Variants in MYH11 observed in about 807,000 individuals in gnomAD.
MYH11 encodes the protein myosin-11.
MYH11 carries 80 observed loss-of-function variants against 246.6 expected under a neutral mutation model. That is an observed-to-expected ratio of 0.32 (90% CI 0.27 to 0.39). MYH11 has a LOEUF of 0.39. Ranked by LOEUF, MYH11 falls within the 10% of genes least tolerant of loss-of-function variation. The pLI, the probability that MYH11 is intolerant of heterozygous loss-of-function variation, is 1.00. For missense variants in MYH11, 2,158 were observed against 2,546.8 expected (o/e 0.85, Z 3.29); for synonymous variants, 1,071 against 1,015.5 (o/e 1.05, Z -1.04).
At position 15,750,110 on chromosome 16, in the gene MYH11, G is replaced by A. The variant is rs760579689; in HGVS notation, c.2058+28C>T. ...CTTGGGACAGCCCTGGCTTCTGGGA[G>A]CCCCAGGGTCTGGGCGGCGGGCCTC... On this transcript the variant is annotated intron_variant, in intron 16 of 40. Transcript: ENST00000300036. This position sits in a 1 kb window ranked among gnomAD's most constrained non-coding sequence, Gnocchi z 4.3. 1.2e-6 allele frequency: 2 copies of A among 1,613,322 alleles called. No individual in the cohort carries two copies. The highest frequency in any genetic ancestry group is 1.3e-5 in the African/African-American group (1 of 75,048).
chr16:15,818,249 G>A (rs770678959), intron 3 of MYH11, among the ~76,000 whole-genome samples: 8 of 147,614 alleles, frequency 5.4e-5, no homozygotes, highest in Admixed American at 1.3e-4. Context: ...AGTGTGGATC[G>A]CAGCCCAGTG....
At chr16:15,784,617 G>T in intron 5 of MYH11, 2 of 1,490,132 alleles carry the variant, frequency 1.3e-6, no homozygotes, top group South Asian at 2.3e-5. Flanking sequence ...TACGGGACTC[G>T]GTGGGTGCAA....
At chr16:15,746,803 C>T (rs183878753) in intron 19 of MYH11, among the ~76,000 whole-genome samples, 1 of 152,236 alleles carries the variant, frequency 6.6e-6, no homozygotes, top group African/African-American at 2.4e-5. Context: ...TCTAACATGT[C>T]TAGGCTGGGC....
intron 40 of MYH11, among the ~76,000 whole-genome samples, chr16:15,708,058 C>A (rs1355248366): frequency 6.6e-6 from 1 of 151,892 alleles, no homozygotes; most frequent in East Asian, 1.9e-4. Flanking sequence ...CTTGGGTATC[C>A]ACTCCCCAGT....
intron 1 of MYH11, among the ~76,000 whole-genome samples, chr16:15,841,638 C>A (rs994320979): frequency 3.3e-5 from 5 of 152,162 alleles, no homozygotes; most frequent in Non-Finnish European, 7.3e-5. Context: ...TGTCGTTATC[C>A]AGATGTGTTT....
intron 5 of MYH11, chr16:15,784,682 ACT>A: frequency 6.2e-7 from 1 of 1,613,372 alleles, no homozygotes; most frequent in Non-Finnish European, 8.5e-7. Flanking sequence ...CCAGGAAAAC[ACT>A]CTCAGTTACT....
chr16:15,824,841 T>G (rs2733854), intron 2 of MYH11, among the ~76,000 whole-genome samples: 67,936 of 151,710 alleles, frequency 0.45, 15,965 homozygotes, highest in African/African-American at 0.6. Flanking sequence ...AGGCATCTCC[T>G]CGTGGCATCT....
At chr16:15,794,996 G>A (rs2042709710) in intron 4 of MYH11, among the ~76,000 whole-genome samples, 1 of 152,172 alleles carries the variant, frequency 6.6e-6, no homozygotes, top group Non-Finnish European at 1.5e-5. Context: ...TAGAACCAGT[G>A]TGGGGAGAAT....
At chr16:15,805,238 C>A (rs1001385806) in intron 3 of MYH11, among the ~76,000 whole-genome samples, 4 of 152,158 alleles carry the variant, frequency 2.6e-5, no homozygotes, top group Admixed American at 2.6e-4. Flanking sequence ...TTGTAATAAT[C>A]TTTCAGCAGA....
chr16:15,780,283 G>A (rs998617551), intron 6 of MYH11, among the ~76,000 whole-genome samples: 32 of 151,938 alleles, frequency 2.1e-4, no homozygotes, highest in African/African-American at 5.3e-4. Context: ...GGGGGGGGCC[G>A]CTGTTGTTAG....
At chr16:15,776,720 G>A (rs879403044) in intron 7 of MYH11, among the ~76,000 whole-genome samples, 24 of 152,324 alleles carry the variant, frequency 1.6e-4, no homozygotes, top group Admixed American at 1.6e-3. Context: ...TGTCTTCCAT[G>A]CCCTCTGTTC....
chr16:15,707,841 G>C (rs138683244), intron 40 of MYH11, among the ~76,000 whole-genome samples: 1,741 of 152,076 alleles, frequency 0.011, 37 homozygotes, highest in African/African-American at 0.04. Flanking sequence ...GCGAGGTGGC[G>C]GGAGCCTGTA....
intron 1 of MYH11, among the ~76,000 whole-genome samples, chr16:15,849,016 T>A (rs2044267482): frequency 6.6e-6 from 1 of 152,190 alleles, no homozygotes; most frequent in African/African-American, 2.4e-5. Context: ...CTGAAATTAC[T>A]ACCCAGAACT....
At chr16:15,848,243 T>C (rs942206636) in intron 1 of MYH11, among the ~76,000 whole-genome samples, 3 of 149,870 alleles carry the variant, frequency 2.0e-5, no homozygotes, top group African/African-American at 7.4e-5. Context: ...TTTTTTTTTT[T>C]TTTTTTTGAC....
chr16:15,851,146 G>A (rs1315193419), intron 1 of MYH11, among the ~76,000 whole-genome samples: 1 of 152,110 alleles, frequency 6.6e-6, no homozygotes, highest in Non-Finnish European at 1.5e-5. Flanking sequence ...TTCGCCAGCT[G>A]GAAGGACCTC....
intron 4 of MYH11, among the ~76,000 whole-genome samples, chr16:15,794,727 A>G (rs2042703604): frequency 6.6e-6 from 1 of 152,190 alleles, no homozygotes; most frequent in Admixed American, 6.5e-5. Flanking sequence ...GAAAGTTACA[A>G]GAGAGCCCTG....
intron 3 of MYH11, among the ~76,000 whole-genome samples, chr16:15,821,719 C>T (rs1213509321): frequency 6.8e-6 from 1 of 147,470 alleles, no homozygotes; most frequent in Non-Finnish European, 1.5e-5. Context: ...GAGATCGAGA[C>T]CATCCTGGCT....
At chr16:15,835,946 CG>C (rs1217136153) in intron 2 of MYH11, among the ~76,000 whole-genome samples, 1 of 151,692 alleles carries the variant, frequency 6.6e-6, no homozygotes, top group Non-Finnish European at 1.5e-5. Flanking sequence ...GATGGGGTCT[CG>C]TTGTGTTGCC....
rs200884440 is a variant in MYH11, at chr16:15,708,831, G to C, written c.5787-4708C>G. On this transcript the variant is annotated intron_variant, in intron 40 of 40. Coordinates refer to ENST00000300036, the MANE Select transcript of MYH11 (RefSeq NM_002474.3). ...GTGCATCACTGCGAAGTTTCCTGTG[G>C]GGGGGGCCCTCTGAAACAGAGAGAG... 3.9e-5 allele frequency: 62 copies of C among 1,610,136 alleles called. 1 individual carries two copies. The Admixed American group carries it at 8.1e-4, about 21-fold the overall frequency.
Sources: allele counts gnomAD v4.1 joint callset (sites outside exome capture counted in the v4.1 genomes callset), GRCh38; gene constraint gnomAD v4.1.1; non-coding constraint Gnocchi (gnomAD v3.1); transcripts MANE v1.5; gene names NCBI Gene and HGNC (gene_info 2026-07-23, HGNC 2026-07-21).